Variants in GRM4 observed in about 807,000 individuals in gnomAD.
The protein encoded by GRM4 is glutamate metabotropic receptor 4, also known as metabotropic glutamate receptor 4.
GRM4 carries 28 observed loss-of-function variants against 81.7 expected under a neutral mutation model. The observed-to-expected ratio is 0.34, with a 90% CI of 0.25 to 0.47. The LOEUF (loss-of-function observed/expected upper bound fraction) is 0.47, where lower values mean the gene tolerates loss of function less well. GRM4 is among the 20% of genes least tolerant of loss of function. The probability of loss-of-function intolerance (pLI) is 1.00; values close to 1 mark genes in which losing one functional copy is unlikely to be tolerated. For missense variants in GRM4, 948 were observed against 1,290.0 expected (o/e 0.73, Z 4.06); for synonymous variants, 488 against 528.8 (o/e 0.92, Z 1.06).
intron 1 of GRM4, among the ~76,000 whole-genome samples, chr6:34,143,626 C>A (rs1033167767): frequency 1.3e-5 from 2 of 152,254 alleles, no homozygotes; most frequent in African/African-American, 4.8e-5. Context: ...GCTGAGCATG[C>A]AGAACCAGAG....
intron 3 of GRM4, among the ~76,000 whole-genome samples, chr6:34,076,575 T>C (rs1767323544): frequency 6.6e-6 from 1 of 152,186 alleles, no homozygotes; most frequent in Non-Finnish European, 1.5e-5. Flanking sequence ...AAGATGGATG[T>C]GAGAGCTCCG....
chr6:34,117,097 A>G (rs767951543), intron 2 of GRM4, among the ~76,000 whole-genome samples: 2 of 152,254 alleles, frequency 1.3e-5, no homozygotes, highest in Non-Finnish European at 2.9e-5. Flanking sequence ...TGCATTTATA[A>G]AAGTTCAACA....
chr6:34,073,053 TCAC>T (rs1767063255), intron 3 of GRM4, among the ~76,000 whole-genome samples: 1 of 11,330 alleles, frequency 8.8e-5, no homozygotes. Flanking sequence ...CACACACACA[TCAC>T]CACACAGATA....
intron 1 of GRM4, among the ~76,000 whole-genome samples, chr6:34,151,714 C>A (rs1771050723): frequency 7.2e-6 from 1 of 139,366 alleles, no homozygotes; most frequent in Admixed American, 7.1e-5. Context: ...CGCCCCCACC[C>A]CCACCCCACC....
intron 4 of GRM4, chr6:34,060,741 T>G (rs1766141023): frequency 6.6e-6 from 1 of 152,226 alleles, no homozygotes; most frequent in Non-Finnish European, 1.5e-5. Flanking sequence ...GCGGTGGCCA[T>G]CATACACGTT....
chr6:34,118,346 A>T (rs1769676004), intron 2 of GRM4, among the ~76,000 whole-genome samples: 1 of 152,218 alleles, frequency 6.6e-6, no homozygotes, highest in Non-Finnish European at 1.5e-5. Context: ...AAGCACCCAT[A>T]GGCTCCTGCA....
chr6:34,040,432 CT>C, intron 7 of GRM4, 115 bp downstream of exon 7: 1 of 1,432,528 alleles, frequency 7.0e-7, no homozygotes, highest in South Asian at 1.2e-5. Flanking sequence ...GAGATTTCAC[CT>C]CTTGGAAACA....
At chr6:34,072,598 CCACACA>C (rs200974018) in intron 3 of GRM4, among the ~76,000 whole-genome samples, 11 of 145,106 alleles carry the variant, frequency 7.6e-5, no homozygotes, top group African/African-American at 1.6e-4. Context: ...CAGATACAGA[CCACACA>C]CACACACACA....
chr6:34,141,677 T>C (rs1403665078), intron 1 of GRM4, among the ~76,000 whole-genome samples: 1 of 129,450 alleles, frequency 7.7e-6, no homozygotes, highest in African/African-American at 2.9e-5. Context: ...GGGCCTGCAG[T>C]CGAGGGGCGG....
intron 3 of GRM4, among the ~76,000 whole-genome samples, chr6:34,067,057 C>T (rs767048753): frequency 1.3e-5 from 2 of 152,156 alleles, no homozygotes; most frequent in Non-Finnish European, 2.9e-5. Flanking sequence ...GAAATCCCAT[C>T]GTCCCGTGAG....
At chr6:34,096,232 A>G (rs1478228815) in intron 2 of GRM4, among the ~76,000 whole-genome samples, 1 of 152,126 alleles carries the variant, frequency 6.6e-6, no homozygotes, top group Non-Finnish European at 1.5e-5. Context: ...CTGACCAAGC[A>G]CAGGCGTCCT....
intron 3 of GRM4, among the ~76,000 whole-genome samples, chr6:34,066,342 G>A (rs191334720): frequency 5.8e-4 from 89 of 152,230 alleles, no homozygotes; most frequent in African/African-American, 2.1e-3. Context: ...TTGCCCAATG[G>A]GATATTATGG....
At chr6:34,150,454 G>A (rs539031491), upstream of GRM4, among the ~76,000 whole-genome samples, 3 of 152,312 alleles carry the variant, frequency 2.0e-5, no homozygotes, top group East Asian at 1.9e-4. Flanking sequence ...TGGAGGTCAA[G>A]GCAGCTGGGA....
In GRM4 at chr6:34,086,439, G is replaced by T. The variant is rs368866838; in HGVS notation, c.736+5444C>A. 5.3e-5 allele frequency among the ~76,000 whole-genome samples: 8 copies of T among 152,340 alleles called. No individual in the cohort carries two copies. The East Asian group carries it at 1.2e-3, about 22-fold the overall frequency. On this transcript the variant is annotated intron_variant, in intron 3 of 10. Coordinates refer to ENST00000538487, the MANE Select transcript of GRM4 (RefSeq NM_000841.4). Reference sequence around the variant, plus strand: ...GAGGGCACAGCAACACAGCCAAGAGGTAGGGCCTCAGAATTTCCTGCTGTT... The same window carrying T: ...GAGGGCACAGCAACACAGCCAAGAGTTAGGGCCTCAGAATTTCCTGCTGTT...
chr6:34,077,589 A>T (rs1267897856), intron 3 of GRM4, among the ~76,000 whole-genome samples: 12 of 151,978 alleles, frequency 7.9e-5, no homozygotes, highest in Non-Finnish European at 1.5e-4. Flanking sequence ...GCCAAGTCCA[A>T]TCCTCAGCCC....
chr6:34,100,966 T>C (rs980635766), intron 2 of GRM4, among the ~76,000 whole-genome samples: 1 of 152,246 alleles, frequency 6.6e-6, no homozygotes, highest in Non-Finnish European at 1.5e-5. Flanking sequence ...TGACGCTATT[T>C]TAAGCCACGG....
chr6:34,098,067 G>C (rs1170757643), intron 2 of GRM4, among the ~76,000 whole-genome samples: 1 of 152,214 alleles, frequency 6.6e-6, no homozygotes, highest in East Asian at 1.9e-4. Context: ...TGCAACCTTA[G>C]GCAATCAAGT....
chr6:34,035,170 T>G lies in GRM4; in HGVS notation c.2442+498A>C, dbSNP rs1764622748. Among the ~76,000 whole-genome samples the G allele has an allele frequency of 1.4e-5, 2 of 144,918 alleles. No individual in the cohort carries two copies. The highest frequency in any genetic ancestry group is 2.6e-5 in the African/African-American group (1 of 38,824). ...TAGGGAGAGAGGTAAGAGAAAGGAG[T>G]CTAGAAAAGAATGAAGAGTGAAGGA... On this transcript the variant is annotated intron_variant, in intron 9 of 10. Coordinates refer to ENST00000538487, the MANE Select transcript of GRM4 (RefSeq NM_000841.4). The surrounding 1 kb of genome is among the most constrained non-coding windows in gnomAD (Gnocchi z 6.6).
chr6:34,040,518 G>A, intron 7 of GRM4, 30 bp downstream of exon 7: 1 of 1,589,566 alleles, frequency 6.3e-7, no homozygotes, highest in Non-Finnish European at 8.6e-7. Context: ...GGATACCCAG[G>A]GTCAGGCACA....
Sources: allele counts gnomAD v4.1 joint callset (sites outside exome capture counted in the v4.1 genomes callset), GRCh38; gene constraint gnomAD v4.1.1; non-coding constraint Gnocchi (gnomAD v3.1); transcripts MANE v1.5; gene names NCBI Gene and HGNC (gene_info 2026-07-23, HGNC 2026-07-21).